SMYD3: variants seen among roughly 807,000 people sequenced by gnomAD.
The protein encoded by SMYD3 is histone-lysine N-methyltransferase SMYD3.
Under a neutral mutation model 57.7 loss-of-function variants are expected in SMYD3, and 36 were observed. That is an observed-to-expected ratio of 0.62 (90% CI 0.48 to 0.82). The LOEUF is 0.82. Ranked by LOEUF, SMYD3 falls within the 40% of genes least tolerant of loss-of-function variation. The probability of loss-of-function intolerance (pLI) is 0.00; values close to 1 mark genes in which losing one functional copy is unlikely to be tolerated. For synonymous variants in SMYD3, 211 were observed against 195.0 expected (o/e 1.08, Z -0.68); for missense variants, 515 against 538.8 (o/e 0.96, Z 0.44).
At chr1:245,951,352 G>A (rs1473563745) in intron 5 of SMYD3, among the ~76,000 whole-genome samples, 1 of 123,846 alleles carries the variant, frequency 8.1e-6, no homozygotes, top group East Asian at 3.7e-4. Flanking sequence ...GGTGGATCAC[G>A]AGGTCAGGAG....
chr1:246,224,440 T>C (rs192367434), intron 5 of SMYD3, among the ~76,000 whole-genome samples: 5 of 152,110 alleles, frequency 3.3e-5, no homozygotes, highest in Non-Finnish European at 5.9e-5. Context: ...ATCCAAAGTA[T>C]AGCAATACAT....
chr1:246,478,481 G>A (rs28545489), intron 1 of SMYD3, among the ~76,000 whole-genome samples: 14 of 106,896 alleles, frequency 1.3e-4, no homozygotes, highest in African/African-American at 2.7e-4. Flanking sequence ...CTGGTACATA[G>A]GTGCTCATAT....
intron 5 of SMYD3, among the ~76,000 whole-genome samples, chr1:246,103,738 A>G (rs532988373): frequency 1.8e-3 from 268 of 152,300 alleles, no homozygotes; most frequent in Non-Finnish European, 3.2e-3. Flanking sequence ...GCTCAAAATT[A>G]TTAGTGTGAA....
chr1:246,428,611 C>T lies in SMYD3; in HGVS notation c.165-73517G>A, dbSNP rs1427840247. Among the ~76,000 whole-genome samples, 4 of 152,198 alleles carry T rather than the reference C, an allele frequency of 2.6e-5. No homozygotes were observed. In the East Asian group the frequency reaches 7.7e-4, roughly 29 times the overall value. ...GCATCTATTACATTTGCCCAGCATG[C>T]CACAGTTAGTGAGTAGCAGAGCTGG... On this transcript the variant is annotated intron_variant, in intron 1 of 11. Coordinates refer to ENST00000490107, the MANE Select transcript of SMYD3 (RefSeq NM_001167740.2).
intron 8 of SMYD3, among the ~76,000 whole-genome samples, chr1:245,913,368 G>C (rs1193776915): frequency 6.7e-6 from 1 of 150,206 alleles, no homozygotes; most frequent in East Asian, 1.9e-4. Flanking sequence ...GTTGTGGTGT[G>C]GGGGGAGGGG....
intron 10 of SMYD3, among the ~76,000 whole-genome samples, chr1:245,823,047 C>A (rs776015097): frequency 6.6e-6 from 1 of 152,174 alleles, no homozygotes; most frequent in Non-Finnish European, 1.5e-5. Context: ...TTATGACATT[C>A]TTTTTCTGCC....
At chr1:245,867,668 G>GCACA (rs376309765) in intron 8 of SMYD3, among the ~76,000 whole-genome samples, 2,556 of 149,034 alleles carry the variant, frequency 0.017, 77 homozygotes, top group African/African-American at 0.059. Context: ...GCGTGCGCGC[G>GCACA]CACACACACA....
chr1:246,165,805 G>A (rs1435053239), intron 5 of SMYD3, among the ~76,000 whole-genome samples: 2 of 152,008 alleles, frequency 1.3e-5, no homozygotes, highest in African/African-American at 4.8e-5. Flanking sequence ...TTTTTACAAT[G>A]AGACAATAAA....
chr1:246,275,846 A>G (rs1159901574), intron 5 of SMYD3, among the ~76,000 whole-genome samples: 3 of 150,750 alleles, frequency 2.0e-5, no homozygotes, highest in Non-Finnish European at 1.5e-5. Flanking sequence ...CCATGTTTGA[A>G]TACTAACTCT....
intron 2 of SMYD3, among the ~76,000 whole-genome samples, chr1:246,348,963 T>G (rs1273900593): frequency 6.6e-6 from 1 of 152,006 alleles, no homozygotes; most frequent in African/African-American, 2.4e-5. Flanking sequence ...AAAAAAAAAT[T>G]ACTAATCTAG....
chr1:246,070,043 C>T (rs2148378961), intron 5 of SMYD3, among the ~76,000 whole-genome samples: 1 of 152,246 alleles, frequency 6.6e-6, no homozygotes. Context: ...AGAGTGGATC[C>T]ATGCTTTGAG....
At chr1:246,213,146 C>T (rs189368076) in intron 5 of SMYD3, among the ~76,000 whole-genome samples, 12 of 152,200 alleles carry the variant, frequency 7.9e-5, no homozygotes, top group Admixed American at 7.2e-4. Context: ...TTCTTTCAAC[C>T]TTCCTCAATC....
intron 5 of SMYD3, chr1:245,953,252 A>G (rs1208219413): frequency 1.0e-6 from 1 of 1,000,090 alleles, no homozygotes; most frequent in East Asian, 1.1e-4. Context: ...CTTCTTCCAT[A>G]GTTTAAATTT....
chr1:246,139,135 T>C (rs12563722), intron 5 of SMYD3, among the ~76,000 whole-genome samples: 3,265 of 152,308 alleles, frequency 0.021, 155 homozygotes, highest in East Asian at 0.16. Context: ...AGGGGACTGA[T>C]TGAGTGTTAC....
At chr1:246,177,116 A>C (rs1270539675) in intron 5 of SMYD3, among the ~76,000 whole-genome samples, 1 of 152,184 alleles carries the variant, frequency 6.6e-6, no homozygotes, top group African/African-American at 2.4e-5. Flanking sequence ...TCTTTTCAAA[A>C]CACAAGAGCC....
chr1:245,796,831 C>A (rs1572358237), intron 10 of SMYD3, among the ~76,000 whole-genome samples: 1 of 152,224 alleles, frequency 6.6e-6, no homozygotes, highest in South Asian at 2.1e-4. Context: ...AAACATACTG[C>A]AACCACCTGT....
At chr1:246,098,268 G>A (rs1040070470) in intron 5 of SMYD3, among the ~76,000 whole-genome samples, 17 of 152,158 alleles carry the variant, frequency 1.1e-4, no homozygotes, top group African/African-American at 4.1e-4. Flanking sequence ...CATGTCAATA[G>A]TTTATTTCAA....
intron 10 of SMYD3, among the ~76,000 whole-genome samples, chr1:245,817,179 C>A (rs1459685706): frequency 8.1e-5 from 12 of 149,058 alleles, no homozygotes; most frequent in African/African-American, 2.7e-4. Context: ...AGTGGTTCTC[C>A]CAGCACGCAG....
At chr1:246,447,464 G>T (rs993131587) in intron 1 of SMYD3, among the ~76,000 whole-genome samples, 1 of 152,162 alleles carries the variant, frequency 6.6e-6, no homozygotes, top group Non-Finnish European at 1.5e-5. Flanking sequence ...AAATATATTT[G>T]ACATTTGAAA....
Sources: gnomAD v4.1 joint callset for allele counts (sites outside exome capture counted in the v4.1 genomes callset) on GRCh38, gnomAD v4.1.1 for gene constraint, MANE v1.5 for transcripts, NCBI Gene and HGNC (gene_info 2026-07-23, HGNC 2026-07-21) for gene names.